Variants in ACSL1 observed in about 807,000 individuals in gnomAD.
ACSL1 encodes long-chain-fatty-acid--CoA ligase 1.
In ACSL1, 41 loss-of-function variants were observed where a neutral mutation model predicts 98.4. The ratio of observed to expected loss-of-function variants is 0.42; its 90% CI spans 0.32 to 0.54. The LOEUF (loss-of-function observed/expected upper bound fraction) is 0.54, where lower values mean the gene tolerates loss of function less well. Among genes scored for constraint, ACSL1 ranks in the 20% least tolerant of loss-of-function variants. ACSL1 has a pLI of 0.13. For synonymous variants in ACSL1, 316 were observed against 322.7 expected, an observed-to-expected ratio of 0.98 and a Z score of 0.22; for missense variants, 734 against 883.1, an observed-to-expected ratio of 0.83 and a Z score of 2.14.
Position 184,803,820 on chromosome 4 carries a change from CAAG to C in ACSL1, c.-32-277_-32-275del, listed in dbSNP as rs563872164. Among the ~76,000 whole-genome samples, 225 of 152,298 alleles carry C rather than the reference CAAG, an allele frequency of 1.5e-3. No individual in the cohort carries two copies. The highest frequency in any genetic ancestry group is 3.4e-3 in the Middle Eastern group (1 of 294). ...TTAACCATATTAAAAAGATTTTACT[CAAG>C]AAGAATTCTTCCCATAAAAACTCAA... On this transcript the variant is annotated intron_variant, in intron 1 of 20. Coordinates refer to ENST00000281455, the MANE Select transcript of ACSL1 (RefSeq NM_001995.5). This position sits in a 1 kb window ranked among gnomAD's most constrained non-coding sequence, Gnocchi z 4.8.
intron 7 of ACSL1, among the ~76,000 whole-genome samples, chr4:184,774,291 C>T (rs1229255588): frequency 1.3e-5 from 2 of 152,186 alleles, no homozygotes; most frequent in Non-Finnish European, 2.9e-5. Context: ...CAGAGCACAG[C>T]ACTACCTCAC....
At chr4:184,785,595 C>T (rs530117505) in intron 3 of ACSL1, among the ~76,000 whole-genome samples, 2 of 11,424 alleles carry the variant, frequency 1.8e-4, no homozygotes, top group Non-Finnish European at 4.5e-4. Flanking sequence ...AAAGATCCTC[C>T]TGGGCGGGGG....
intron 1 of ACSL1, chr4:184,805,389 A>G: frequency 1.4e-6 from 1 of 691,654 alleles, no homozygotes; most frequent in Non-Finnish European, 1.8e-6. Flanking sequence ...ATGTAAGTGT[A>G]CTCACTCACA....
In ACSL1 at chr4:184,776,619, T is replaced by C; in HGVS notation, c.621A>G (p.Lys207=). 1 of 1,613,572 alleles carries C rather than the reference T, an allele frequency of 6.2e-7. No individual in the cohort carries two copies. The part of the protein sequence containing the change: ...LVFVDKPEKA[K]LLLEGVENKL... ...TATTTTCTACACCCTCTAATAAGAG[T>C]TTGGCCTTCTCTGGCTTGTCAACAA... The change falls in exon 7 of 21, where the codon AAA becomes AAG. Residue 207 remains lysine (K), a synonymous_variant. Coordinates refer to ENST00000281455, the MANE Select transcript of ACSL1 (RefSeq NM_001995.5).
At chr4:184,824,693 C>G (rs1773324883) in intron 1 of ACSL1, among the ~76,000 whole-genome samples, 1 of 152,162 alleles carries the variant, frequency 6.6e-6, no homozygotes, top group African/African-American at 2.4e-5. Flanking sequence ...CTATATCACA[C>G]TGCACTGTCT....
At position 184,776,913 on chromosome 4, in the gene ACSL1, T is replaced by C. The variant is rs569894965; in HGVS notation, c.548A>G (p.Asn183Ser). 3 of 1,614,208 alleles carry C rather than the reference T, an allele frequency of 1.9e-6. No individual in the cohort carries two copies. The African/African-American group carries it at 4.0e-5, about 22-fold the overall frequency. ...GTTGACTATGTACGTGATGGCTTCA[T>C]TTCCAAGGGTATCATAAAGTGGAAC... ...VIVPLYDTLG[N>S]EAITYIVNKA... Residue 183 changes from asparagine (N) to serine (S), a missense_variant, in exon 6 of 21, where the codon AAT becomes AGT. Physicochemically the swap from Asn to Ser is conservative, Grantham distance 46 (BLOSUM62 1). Coordinates refer to ENST00000281455, the MANE Select transcript of ACSL1 (RefSeq NM_001995.5).
At position 184,756,249 on chromosome 4, in the gene ACSL1, A is replaced by G. The variant is rs1762110972; in HGVS notation, c.*876T>C. ...AGAGTGAGTGGTTCAGTGAAGATAA[A>G]GTAGACAGTTATTCAGGCGTCACAG... On this transcript the variant is annotated 3_prime_UTR_variant, in exon 21 of 21. Transcript: ENST00000281455. The G allele has an allele frequency of 6.5e-6, 1 of 152,694 alleles. No homozygotes were observed. Among genetic ancestry groups the G allele is most frequent in the Admixed American group, 6.5e-5 (1 of 15,288 alleles). 9.5% of individuals were successfully genotyped at this position (152,694 alleles called of 1,614,324 possible).
chr4:184,817,346 T>C (rs998582269), intron 1 of ACSL1, among the ~76,000 whole-genome samples: 5 of 152,190 alleles, frequency 3.3e-5, no homozygotes, highest in African/African-American at 1.2e-4. Flanking sequence ...ATAAACCATA[T>C]ACAAGTATTT....
At chr4:184,815,299 C>T (rs62338221) in intron 1 of ACSL1, among the ~76,000 whole-genome samples, 12,897 of 152,216 alleles carry the variant, frequency 0.085, 723 homozygotes, top group Non-Finnish European at 0.12. Flanking sequence ...CCTGAAGGAG[C>T]GGCAGGTGGG....
chr4:184,822,449 G>A (rs1773132707), intron 1 of ACSL1, among the ~76,000 whole-genome samples: 1 of 152,164 alleles, frequency 6.6e-6, no homozygotes, highest in African/African-American at 2.4e-5. Context: ...TCAAGAACAT[G>A]AAAGTGGGCT....
At chr4:184,822,718 C>T (rs977366638) in intron 1 of ACSL1, among the ~76,000 whole-genome samples, 7 of 150,580 alleles carry the variant, frequency 4.6e-5, no homozygotes, top group South Asian at 2.1e-4. Context: ...CCAACCTGGG[C>T]GACAGAGTGA....
chr4:184,803,832 T>C lies in ACSL1; in HGVS notation c.-32-286A>G, dbSNP rs1770956117. Among the ~76,000 whole-genome samples the C allele has an allele frequency of 6.6e-6, 1 of 152,244 alleles. No homozygotes were observed. On this transcript the variant is annotated intron_variant, in intron 1 of 20. Coordinates refer to ENST00000281455, the MANE Select transcript of ACSL1 (RefSeq NM_001995.5). This position sits in a 1 kb window ranked among gnomAD's most constrained non-coding sequence, Gnocchi z 4.8. ...AAAAGATTTTACTCAAGAAGAATTC[T>C]TCCCATAAAAACTCAAATAAGTAGA...
intron 18 of ACSL1, among the ~76,000 whole-genome samples, chr4:184,759,570 G>C (rs551257388): frequency 1.3e-5 from 2 of 152,064 alleles, no homozygotes; most frequent in Non-Finnish European, 2.9e-5. Context: ...GCAGCCAAAA[G>C]ACACATGAAA....
upstream of ACSL1, chr4:184,826,499 TC>T (rs74335426): frequency 0.22 from 33,962 of 152,448 alleles, 4,333 homozygotes; most frequent in East Asian, 0.52. Context: ...CCACAGGGTT[TC>T]CCCCACGCTC....
intron 4 of ACSL1, 109 bp downstream of exon 4, chr4:184,783,818 C>G: frequency 1.0e-6 from 1 of 1,004,458 alleles, no homozygotes; most frequent in Non-Finnish European, 1.5e-6. Flanking sequence ...AGGCTCTGAG[C>G]TGGTCCAGCA....
At chr4:184,813,154 C>T (rs538978523) in intron 1 of ACSL1, among the ~76,000 whole-genome samples, 13 of 152,284 alleles carry the variant, frequency 8.5e-5, no homozygotes, top group African/African-American at 3.1e-4. Flanking sequence ...TGCCCCATGA[C>T]GATATCCAGG....
intron 2 of ACSL1, among the ~76,000 whole-genome samples, chr4:184,798,053 G>A (rs1372016825): frequency 6.6e-6 from 1 of 152,200 alleles, no homozygotes; most frequent in Non-Finnish European, 1.5e-5. Context: ...CATGTGACCT[G>A]GAGGTCAAGA....
At chr4:184,771,309 T>C (rs987704029) in intron 10 of ACSL1, among the ~76,000 whole-genome samples, 1 of 152,094 alleles carries the variant, frequency 6.6e-6, no homozygotes, top group Non-Finnish European at 1.5e-5. Flanking sequence ...GCAAGTTCAA[T>C]TTTACCTTAA....
chr4:184,788,905 T>A (rs1455013315), intron 2 of ACSL1, among the ~76,000 whole-genome samples, 174 bp from the exon 3 acceptor site: 2 of 152,222 alleles, frequency 1.3e-5, no homozygotes, highest in Admixed American at 6.5e-5. Context: ...TACATTGTTA[T>A]TAACTACAGT....
Sources: gnomAD v4.1 joint callset for allele counts (sites outside exome capture counted in the v4.1 genomes callset) on GRCh38, gnomAD v4.1.1 for gene constraint, Gnocchi (gnomAD v3.1) non-coding constraint, MANE v1.5 for transcripts, NCBI Gene and HGNC (gene_info 2026-07-23, HGNC 2026-07-21) for gene names.